Variants in ANKRD28 observed in about 807,000 individuals in gnomAD.
ANKRD28 encodes serine/threonine-protein phosphatase 6 regulatory ankyrin repeat subunit A.
A neutral mutation model predicts 126.5 loss-of-function variants in ANKRD28; 44 were observed. The ratio of observed to expected loss-of-function variants is 0.35; its 90% confidence interval spans 0.27 to 0.45. The LOEUF is 0.45. Among genes scored for constraint, ANKRD28 ranks in the 20% least tolerant of loss-of-function variants. The probability of loss-of-function intolerance (pLI) is 1.00; values close to 1 mark genes in which losing one functional copy is unlikely to be tolerated. For synonymous variants in ANKRD28, 442 were observed against 468.5 expected (o/e 0.94, Z 0.73); for missense variants, 1,110 against 1,316.6 (o/e 0.84, Z 2.43).
chr3:15,768,629 G>A (rs994670414), intron 2 of ANKRD28, among the ~76,000 whole-genome samples: 2 of 151,904 alleles, frequency 1.3e-5, no homozygotes, highest in Non-Finnish European at 2.9e-5. Flanking sequence ...TCCAGCCTGG[G>A]CAACAGAGCA....
chr3:15,834,126 A>T (rs1280867574), intron 1 of ANKRD28, among the ~76,000 whole-genome samples: 1 of 152,042 alleles, frequency 6.6e-6, no homozygotes, highest in Non-Finnish European at 1.5e-5. Flanking sequence ...ACTTGGTTAT[A>T]AATTATTTGC....
In ANKRD28 at chr3:15,670,172, C is replaced by T; in HGVS notation, c.*98G>A. The T allele has an allele frequency of 1.5e-6, 2 of 1,350,386 alleles. No individual in the cohort carries two copies. The highest frequency in any genetic ancestry group is 2.0e-6 in the Non-Finnish European group (2 of 993,308). 83.7% of individuals were successfully genotyped at this position (1,350,386 alleles called of 1,614,324 possible). ...AACATTGGCTCACTGTGGGATCTTT[C>T]CTCTTAGGTTGAATTTCTACGTGAA... On this transcript the variant is annotated 3_prime_UTR_variant, in exon 28 of 28. Transcript: ENST00000683139.
chr3:15,707,312 A>G (rs2071590334), intron 14 of ANKRD28, among the ~76,000 whole-genome samples: 2 of 152,210 alleles, frequency 1.3e-5, no homozygotes, highest in South Asian at 4.1e-4. Context: ...CTTTAGGTGA[A>G]TATTATTATA....
chr3:15,824,544 T>C (rs908311993), intron 1 of ANKRD28, among the ~76,000 whole-genome samples: 4 of 152,216 alleles, frequency 2.6e-5, no homozygotes, highest in African/African-American at 9.7e-5. Flanking sequence ...TCTGTTGCTT[T>C]TCTATATACC....
chr3:15,734,241 C>T (rs2074858662), intron 6 of ANKRD28, among the ~76,000 whole-genome samples: 1 of 152,148 alleles, frequency 6.6e-6, no homozygotes, highest in Non-Finnish European at 1.5e-5. Flanking sequence ...GAGGGATGGA[C>T]TATATAGTTC....
At chr3:15,780,935 GA>G (rs2059507896) in intron 2 of ANKRD28, among the ~76,000 whole-genome samples, 1 of 151,940 alleles carries the variant, frequency 6.6e-6, no homozygotes, top group Non-Finnish European at 1.5e-5. Context: ...ATACATTAAA[GA>G]CTTAAATATA....
At chr3:15,694,512 T>C (rs1201375337) in intron 17 of ANKRD28, among the ~76,000 whole-genome samples, 2 of 151,438 alleles carry the variant, frequency 1.3e-5, no homozygotes, top group Non-Finnish European at 2.9e-5. Flanking sequence ...AGGATCACTG[T>C]CTGTCTTTTT....
intron 27 of ANKRD28, among the ~76,000 whole-genome samples, chr3:15,674,400 GT>G (rs55921505): frequency 0.85 from 128,387 of 151,898 alleles, 54,324 homozygotes; most frequent in East Asian, 0.96. Flanking sequence ...CTGAGCCACT[GT>G]TAAGAATGAG....
At chr3:15,715,732 T>C (rs748883703) in intron 8 of ANKRD28, among the ~76,000 whole-genome samples, 3 of 152,182 alleles carry the variant, frequency 2.0e-5, no homozygotes, top group Non-Finnish European at 4.4e-5. Context: ...AAAATGAGGA[T>C]AATACCATCT....
intron 2 of ANKRD28, among the ~76,000 whole-genome samples, chr3:15,789,395 G>GA (rs1272788291): frequency 6.6e-6 from 1 of 151,804 alleles, no homozygotes; most frequent in Non-Finnish European, 1.5e-5. Flanking sequence ...CCTTAGGAAG[G>GA]AATTTTGTGG....
chr3:15,768,155 G>A lies in ANKRD28; in HGVS notation c.202-1843C>T, dbSNP rs1186011448. Among the ~76,000 whole-genome samples, 5 of 152,014 alleles carry A rather than the reference G, an allele frequency of 3.3e-5. No individual in the cohort carries two copies. In the East Asian group the frequency reaches 7.7e-4, roughly 23 times the overall value. On this transcript the variant is annotated intron_variant, in intron 2 of 27. Coordinates refer to ENST00000683139, the MANE Select transcript of ANKRD28 (RefSeq NM_001349278.2). The stretch of plus-strand genomic sequence containing the variant: ...TATTTAAAGTAGGTAGTATATTTGG[G>A]GGGCCTCTTACCATATTAGAATACT...
intron 1 of ANKRD28, among the ~76,000 whole-genome samples, chr3:15,856,007 G>A (rs990100174): frequency 6.6e-6 from 1 of 152,148 alleles, no homozygotes; most frequent in African/African-American, 2.4e-5. Flanking sequence ...TATTTAACGG[G>A]AATCTTATTT....
intron 17 of ANKRD28, among the ~76,000 whole-genome samples, chr3:15,693,072 T>C (rs1179036949): frequency 6.6e-6 from 1 of 152,016 alleles, no homozygotes; most frequent in Non-Finnish European, 1.5e-5. Flanking sequence ...GAACAGAAGG[T>C]AGGCTAGTAT....
At chr3:15,791,945 T>C (rs183853253) in intron 2 of ANKRD28, among the ~76,000 whole-genome samples, 194 of 152,252 alleles carry the variant, frequency 1.3e-3, no homozygotes, top group African/African-American at 4.5e-3. Flanking sequence ...AAGATCTGAA[T>C]AGACATTCCT....
intron 14 of ANKRD28, among the ~76,000 whole-genome samples, chr3:15,697,061 G>A (rs929034314): frequency 6.6e-6 from 1 of 152,160 alleles, no homozygotes; most frequent in Non-Finnish European, 1.5e-5. Context: ...ATCAACGAAC[G>A]AGTGCGTAAA....
intron 1 of ANKRD28, among the ~76,000 whole-genome samples, chr3:15,848,485 G>A (rs1228338334): frequency 1.3e-5 from 2 of 151,974 alleles, no homozygotes; most frequent in Non-Finnish European, 2.9e-5. Context: ...GACCAGCCTG[G>A]GCAACAGAGG....
intron 2 of ANKRD28, among the ~76,000 whole-genome samples, chr3:15,777,902 A>ACACACC (rs1385745179): frequency 1.7e-4 from 23 of 136,812 alleles, no homozygotes; most frequent in East Asian, 7.0e-4. Context: ...ACACACACAC[A>ACACACC]CCCTCTCCGC....
chr3:15,727,564 CAAAAAAAAAA>C (rs59584114), intron 6 of ANKRD28, among the ~76,000 whole-genome samples: 11 of 65,956 alleles, frequency 1.7e-4, no homozygotes, highest in East Asian at 1.6e-3. Flanking sequence ...GAAACTCTGT[CAAAAAAAAAA>C]AAAAAAAAAA....
chr3:15,826,527 G>A (rs1048806430), intron 1 of ANKRD28, among the ~76,000 whole-genome samples: 1 of 152,142 alleles, frequency 6.6e-6, no homozygotes, highest in Non-Finnish European at 1.5e-5. Flanking sequence ...TAACTTCCAA[G>A]GTGGTTACCT....
Sources: gnomAD v4.1 joint callset for allele counts (sites outside exome capture counted in the v4.1 genomes callset) on GRCh38, gnomAD v4.1.1 for gene constraint, MANE v1.5 for transcripts, NCBI Gene and HGNC (gene_info 2026-07-23, HGNC 2026-07-21) for gene names.